ITPKB: variants seen among roughly 807,000 people sequenced by gnomAD.
The protein encoded by ITPKB is IP3 3-kinase B.
In ITPKB, 13 loss-of-function variants were observed where a neutral mutation model predicts 69.4. The ratio of observed to expected loss-of-function variants is 0.19; its 90% CI spans 0.12 to 0.30. ITPKB has a LOEUF of 0.30. ITPKB is among the 10% of genes least tolerant of loss of function. The pLI is 1.00. For synonymous variants in ITPKB, 584 were observed against 513.7 expected (o/e 1.14, Z -1.85); for missense variants, 1,240 against 1,250.5 (o/e 0.99, Z 0.13).
At chr1:226,647,846 C>A (rs1406762326) in intron 3 of ITPKB, among the ~76,000 whole-genome samples, 1 of 152,250 alleles carries the variant, frequency 6.6e-6, no homozygotes, top group Non-Finnish European at 1.5e-5. Context: ...GCTCAGCCCA[C>A]CTGGGTGGCA....
chr1:226,637,905 C>T lies in ITPKB; in HGVS notation c.2554-155G>A, dbSNP rs909225967. ...CTTCCTGCGAGCAGGGCTGCTGTGG[C>T]GTCTTTCTCAGCATAAATGTCAGTA... On this transcript the variant is annotated intron_variant, in intron 6 of 7. Coordinates refer to ENST00000429204, the MANE Select transcript of ITPKB (RefSeq NM_002221.4). This position sits in a 1 kb window ranked among gnomAD's most constrained non-coding sequence, Gnocchi z 4.3. Among the ~76,000 whole-genome samples, 4 of 152,230 alleles carry T rather than the reference C, an allele frequency of 2.6e-5. No individual in the cohort carries two copies. Among genetic ancestry groups the T allele is most frequent in the East Asian group, 1.9e-4 (1 of 5,204 alleles).
At chr1:226,690,578 T>G (rs1656326128) in intron 2 of ITPKB, among the ~76,000 whole-genome samples, 1 of 152,198 alleles carries the variant, frequency 6.6e-6, no homozygotes, top group African/African-American at 2.4e-5. Context: ...CAAGAGGCTC[T>G]GACAAGCCAG....
chr1:226,735,127 C>T (rs1049208251), intron 2 of ITPKB, among the ~76,000 whole-genome samples: 2 of 152,224 alleles, frequency 1.3e-5, no homozygotes, highest in African/African-American at 4.8e-5. Flanking sequence ...CTGAATGAAA[C>T]ACAGAGTTAA....
chr1:226,680,178 C>A (rs572306305), intron 2 of ITPKB, among the ~76,000 whole-genome samples: 59 of 152,332 alleles, frequency 3.9e-4, no homozygotes, highest in Non-Finnish European at 7.2e-4. Flanking sequence ...AGCCTCCAGG[C>A]AGCGCAGCGC....
intron 2 of ITPKB, among the ~76,000 whole-genome samples, chr1:226,652,405 T>C (rs1330778561): frequency 1.3e-5 from 2 of 152,106 alleles, no homozygotes; most frequent in South Asian, 4.1e-4. Flanking sequence ...TCCTCAGAAA[T>C]GGACTCCAGG....
chr1:226,694,548 T>C (rs966834789), intron 2 of ITPKB, among the ~76,000 whole-genome samples: 11 of 152,242 alleles, frequency 7.2e-5, no homozygotes, highest in African/African-American at 2.7e-4. Flanking sequence ...TTTACACATC[T>C]TATCTCATTT....
At chr1:226,688,696 C>G (rs1656274440) in intron 2 of ITPKB, among the ~76,000 whole-genome samples, 1 of 152,208 alleles carries the variant, frequency 6.6e-6, no homozygotes, top group African/African-American at 2.4e-5. Flanking sequence ...CTAGCACTTT[C>G]TCCTTCCCCT....
chr1:226,650,230 G>A (rs1373631811), intron 2 of ITPKB, among the ~76,000 whole-genome samples: 1 of 152,224 alleles, frequency 6.6e-6, no homozygotes, highest in Non-Finnish European at 1.5e-5. Flanking sequence ...CTGAGACTCA[G>A]CCGCTTCTGT....
intron 6 of ITPKB, among the ~76,000 whole-genome samples, chr1:226,638,911 A>C (rs1668894584): frequency 6.6e-6 from 1 of 151,708 alleles, no homozygotes; most frequent in African/African-American, 2.4e-5. Flanking sequence ...GCTAAGGGAG[A>C]GTCAGTGAGT....
At chr1:226,727,187 G>C (rs537997670) in intron 2 of ITPKB, among the ~76,000 whole-genome samples, 1 of 152,202 alleles carries the variant, frequency 6.6e-6, no homozygotes, top group Non-Finnish European at 1.5e-5. Flanking sequence ...CATATAAAAA[G>C]CATTATACCT....
Position 226,735,796 on chromosome 1 carries a change from G to C in ITPKB, c.1663C>G (p.Pro555Ala). The change falls in exon 2 of 8, where the codon CCT becomes GCT. Residue 555 changes from proline (P) to alanine (A), a missense_variant. By Grantham distance (27) the Pro-to-Ala change is conservative. Around this residue, in one of 2 missense-constraint regions of ITPKB, gnomAD observed 992 missense variants for 853.8 expected, o/e 1.16. Coordinates refer to ENST00000429204, the MANE Select transcript of ITPKB (RefSeq NM_002221.4). ...GGGCTGCAGGCCTTCCTCAGGAAAG[G>C]CTTGTCCGGATCTTGGGGTAGCAGC... is the stretch of plus-strand genomic sequence containing the variant. ...PELLPQDPDK[P>A]FLRKACSPSN... The C allele has an allele frequency of 6.2e-7, 1 of 1,607,998 alleles. No individual in the cohort carries two copies. Among genetic ancestry groups the C allele is most frequent in the Non-Finnish European group, 8.5e-7 (1 of 1,175,192 alleles).
chr1:226,702,735 T>C (rs932500947), intron 2 of ITPKB, among the ~76,000 whole-genome samples: 1 of 152,196 alleles, frequency 6.6e-6, no homozygotes, highest in Non-Finnish European at 1.5e-5. Flanking sequence ...AGGACCTGAG[T>C]GGAGTCCCAA....
At chr1:226,677,022 C>T (rs1558082883) in intron 2 of ITPKB, among the ~76,000 whole-genome samples, 1 of 152,200 alleles carries the variant, frequency 6.6e-6, no homozygotes, top group African/African-American at 2.4e-5. Flanking sequence ...GAAGCAGCTC[C>T]TTCTCCAAAC....
intron 2 of ITPKB, among the ~76,000 whole-genome samples, chr1:226,687,755 A>T (rs1408025766): frequency 1.3e-5 from 2 of 152,182 alleles, no homozygotes; most frequent in Non-Finnish European, 2.9e-5. Flanking sequence ...TGTGGGAAGG[A>T]TCTCTAGCTG....
At chr1:226,721,134 G>T (rs1005028224) in intron 2 of ITPKB, among the ~76,000 whole-genome samples, 5 of 151,140 alleles carry the variant, frequency 3.3e-5, no homozygotes, top group Non-Finnish European at 7.4e-5. Context: ...ACCTGAGGTC[G>T]GGAGTTCGAG....
intron 2 of ITPKB, among the ~76,000 whole-genome samples, chr1:226,715,661 T>G (rs1387080848): frequency 6.6e-6 from 1 of 152,238 alleles, no homozygotes; most frequent in African/African-American, 2.4e-5. Context: ...ACAAGAGGTT[T>G]TTGTATAGCA....
chr1:226,731,238 A>G (rs1558099766), intron 2 of ITPKB, among the ~76,000 whole-genome samples: 1 of 152,164 alleles, frequency 6.6e-6, no homozygotes, highest in Non-Finnish European at 1.5e-5. Flanking sequence ...TGAATCTTTT[A>G]CTGTTCAGGT....
intron 2 of ITPKB, among the ~76,000 whole-genome samples, chr1:226,732,581 A>C (rs934070766): frequency 1.3e-5 from 2 of 151,656 alleles, no homozygotes; most frequent in African/African-American, 4.8e-5. Flanking sequence ...TGACAGAACA[A>C]TTTTGAAATA....
intron 4 of ITPKB, among the ~76,000 whole-genome samples, chr1:226,644,349 C>A (rs999377639): frequency 1.3e-5 from 2 of 152,190 alleles, no homozygotes; most frequent in Admixed American, 1.3e-4. Context: ...GACCTGCTCG[C>A]CCACTCACAG....
Sources: allele counts gnomAD v4.1 joint callset (sites outside exome capture counted in the v4.1 genomes callset), GRCh38; gene constraint gnomAD v4.1.1; regional missense constraint gnomAD v4.1.1; non-coding constraint Gnocchi (gnomAD v3.1); transcripts MANE v1.5; gene names NCBI Gene and HGNC (gene_info 2026-07-23, HGNC 2026-07-21).